Variants in GPC6 observed in about 807,000 individuals in gnomAD.
The protein encoded by GPC6 is glypican 6, also known as glypican-6.
A neutral mutation model predicts 55.2 loss-of-function variants in GPC6; 14 were observed. The observed-to-expected ratio is 0.25, with a 90% CI of 0.17 to 0.40. The LOEUF is 0.40. Among genes scored for constraint, GPC6 ranks in the 10% least tolerant of loss-of-function variants. The pLI is 1.00. For synonymous variants in GPC6, 278 were observed against 259.6 expected, an observed-to-expected ratio of 1.07 and a Z score of -0.68; for missense variants, 641 against 708.5, an observed-to-expected ratio of 0.90 and a Z score of 1.08.
At chr13:93,465,121 G>A (rs1164891464) in intron 1 of GPC6, among the ~76,000 whole-genome samples, 2 of 152,130 alleles carry the variant, frequency 1.3e-5, no homozygotes, top group Admixed American at 6.5e-5. Context: ...ATCCAGGCTC[G>A]ATTGTTCTGT....
intron 1 of GPC6, among the ~76,000 whole-genome samples, chr13:93,519,042 T>C (rs1470980162): frequency 1.3e-5 from 2 of 152,012 alleles, no homozygotes; most frequent in Non-Finnish European, 2.9e-5. Context: ...GTAGTTGTAA[T>C]AGAGATCTTA....
At chr13:93,276,495 A>AGAGAGAGTGT (rs1365006783) in intron 1 of GPC6, among the ~76,000 whole-genome samples, 16 of 94,452 alleles carry the variant, frequency 1.7e-4, no homozygotes, top group South Asian at 4.1e-4. Flanking sequence ...AGAGAGAGAG[A>AGAGAGAGTGT]GTGTGTGTGT....
chr13:93,887,041 A>T (rs1875383863), intron 3 of GPC6, among the ~76,000 whole-genome samples: 1 of 152,010 alleles, frequency 6.6e-6, no homozygotes, highest in Non-Finnish European at 1.5e-5. Context: ...GAAGAGTCCA[A>T]ATGTTTAGAC....
intron 3 of GPC6, among the ~76,000 whole-genome samples, chr13:93,907,428 C>T (rs931793062): frequency 3.3e-5 from 5 of 152,032 alleles, no homozygotes; most frequent in African/African-American, 1.2e-4. Context: ...TTGACCTGTA[C>T]TTCTTGTTAT....
At chr13:93,483,818 T>C (rs1267029830) in intron 1 of GPC6, among the ~76,000 whole-genome samples, 3 of 152,152 alleles carry the variant, frequency 2.0e-5, no homozygotes, top group Non-Finnish European at 4.4e-5. Flanking sequence ...CAATTGTCAG[T>C]GTGACTAAAA....
intron 3 of GPC6, among the ~76,000 whole-genome samples, chr13:93,946,640 A>G (rs1594610769): frequency 6.6e-6 from 1 of 152,120 alleles, no homozygotes; most frequent in East Asian, 1.9e-4. Context: ...TTTTTATTCC[A>G]CTTTGTACAG....
chr13:94,130,054 G>A (rs1886954482), intron 4 of GPC6, among the ~76,000 whole-genome samples: 1 of 152,054 alleles, frequency 6.6e-6, no homozygotes, highest in African/African-American at 2.4e-5. Flanking sequence ...CATATTCATT[G>A]CATTGATGGA....
chr13:94,384,332 T>G (rs762228690), intron 7 of GPC6, among the ~76,000 whole-genome samples: 28 of 152,228 alleles, frequency 1.8e-4, no homozygotes, highest in Non-Finnish European at 3.5e-4. Context: ...GCTTCTAGTG[T>G]GTATTTTCCC....
intron 4 of GPC6, among the ~76,000 whole-genome samples, chr13:94,038,108 A>G (rs187076824): frequency 6.6e-6 from 1 of 152,084 alleles, no homozygotes; most frequent in Admixed American, 6.6e-5. Flanking sequence ...GTAGAAATAA[A>G]TGACAAATAA....
At chr13:93,676,130 T>A (rs1477427746) in intron 2 of GPC6, among the ~76,000 whole-genome samples, 519 of 6,596 alleles carry the variant, frequency 0.079, 6 homozygotes, top group Non-Finnish European at 0.13. Flanking sequence ...AAAAAAAATA[T>A]ATATATATAT....
At chr13:93,625,567 G>C (rs1011703762) in intron 2 of GPC6, among the ~76,000 whole-genome samples, 5 of 152,116 alleles carry the variant, frequency 3.3e-5, no homozygotes, top group Non-Finnish European at 7.4e-5. Context: ...GCGCAGGACA[G>C]GGCTCCCATC....
chr13:93,766,359 C>T (rs1885130763), intron 2 of GPC6, among the ~76,000 whole-genome samples: 1 of 152,014 alleles, frequency 6.6e-6, no homozygotes, highest in South Asian at 2.1e-4. Context: ...TTAAGAAGTC[C>T]AGTTAATCAA....
chr13:93,425,314 T>C (rs1877086494), intron 1 of GPC6, among the ~76,000 whole-genome samples: 1 of 152,100 alleles, frequency 6.6e-6, no homozygotes, highest in Non-Finnish European at 1.5e-5. Flanking sequence ...GGTTGAATGA[T>C]CAGTTCCAAA....
rs184846716 is a variant in GPC6 at position 93,566,895 on chromosome 13, C to T, written c.319+21474C>T. ...CATGTCCCTGAAAAGAGCATGAACT[C>T]ATTCTTTTTTACGGCTGCATAGTAT... On this transcript the variant is annotated intron_variant, in intron 2 of 8. Transcript: ENST00000377047. Among the ~76,000 whole-genome samples, 478 of 152,248 alleles carry T rather than the reference C, an allele frequency of 3.1e-3. 3 individuals carry two copies. Among genetic ancestry groups the T allele is most frequent in the Middle Eastern group, 0.014 (4 of 294 alleles).
chr13:93,489,596 T>C (rs200195544), intron 1 of GPC6, among the ~76,000 whole-genome samples: 3 of 151,576 alleles, frequency 2.0e-5, no homozygotes, highest in Non-Finnish European at 4.4e-5. Context: ...ATTCTTCCTA[T>C]CCATGAGCAT....
At chr13:93,481,651 T>C (rs74420655) in intron 1 of GPC6, among the ~76,000 whole-genome samples, 1 of 149,524 alleles carries the variant, frequency 6.7e-6, no homozygotes, top group Non-Finnish European at 1.5e-5. Context: ...TTTTTTTTTG[T>C]ACGTAGATAC....
intron 3 of GPC6, among the ~76,000 whole-genome samples, chr13:93,889,574 T>A (rs1255673774): frequency 6.6e-6 from 1 of 152,136 alleles, no homozygotes; most frequent in Admixed American, 6.6e-5. Flanking sequence ...ATGTACTAGG[T>A]ATCACTAAGA....
At position 94,403,119 on chromosome 13, in the gene GPC6, C is replaced by G. The variant is rs147610049; in HGVS notation, c.1570C>G (p.Arg524Gly). Residue 524 changes from arginine to glycine, a missense_variant, in exon 9 of 9, where the codon CGG becomes GGG. Transcript: ENST00000377047. ...TTEAPAVDPD[R>G]REVDSSAAQR... Reference sequence around the variant, plus strand: ...AGAGGCCCCCGCAGTGGATCCCGACCGGAGAGAGGTGGACTCTTCTGCAGC... The same window carrying G: ...AGAGGCCCCCGCAGTGGATCCCGACGGGAGAGAGGTGGACTCTTCTGCAGC... 1.2e-6 allele frequency: 2 copies of G among 1,613,594 alleles called. No individual in the cohort carries two copies. The highest frequency in any genetic ancestry group is 2.2e-5 in the East Asian group (1 of 44,882).
intron 2 of GPC6, among the ~76,000 whole-genome samples, chr13:93,579,797 G>A (rs1425732542): frequency 3.9e-5 from 6 of 152,090 alleles, no homozygotes; most frequent in Non-Finnish European, 7.4e-5. Flanking sequence ...TCACAAAGAC[G>A]ATTCTCATCT....
Sources: gnomAD v4.1 joint callset for allele counts (sites outside exome capture counted in the v4.1 genomes callset) on GRCh38, gnomAD v4.1.1 for gene constraint, MANE v1.5 for transcripts, NCBI Gene and HGNC (gene_info 2026-07-23, HGNC 2026-07-21) for gene names.